The following CNTN5 variants were observed in gnomAD, a reference collection of about 807,000 sequenced individuals.
CNTN5 encodes the protein contactin-5.
Under a neutral mutation model 129.1 loss-of-function variants are expected in CNTN5, and 77 were observed. The observed-to-expected ratio is 0.60, with a 90% CI of 0.50 to 0.72. The LOEUF (loss-of-function observed/expected upper bound fraction) is 0.72, where lower values mean the gene tolerates loss of function less well. Among genes scored for constraint, CNTN5 ranks in the 30% least tolerant of loss-of-function variants. The pLI is 0.00. For missense variants in CNTN5, 1,478 were observed against 1,328.8 expected (o/e 1.11, Z -1.75); for synonymous variants, 509 against 465.6 (o/e 1.09, Z -1.20).
chr11:99,436,163 G>T (rs540941462), intron 2 of CNTN5, among the ~76,000 whole-genome samples: 6 of 152,240 alleles, frequency 3.9e-5, no homozygotes, highest in African/African-American at 1.4e-4. Flanking sequence ...AATTCCAATT[G>T]ACTGTAGTGG....
At chr11:99,744,543 TAAAAAAAA>T (rs553540845) in intron 3 of CNTN5, among the ~76,000 whole-genome samples, 4 of 37,492 alleles carry the variant, frequency 1.1e-4, no homozygotes, top group Admixed American at 5.1e-4. Context: ...TACAAAAAGT[TAAAAAAAA>T]AAAAAAAAAA....
chr11:99,801,731 C>G (rs977539104), intron 3 of CNTN5, among the ~76,000 whole-genome samples: 1 of 152,076 alleles, frequency 6.6e-6, no homozygotes, highest in African/African-American at 2.4e-5. Flanking sequence ...ATAAATATTT[C>G]AATTCTATTT....
At chr11:99,746,775 C>A (rs1229286646) in intron 3 of CNTN5, among the ~76,000 whole-genome samples, 2 of 152,154 alleles carry the variant, frequency 1.3e-5, no homozygotes. Flanking sequence ...CTGGGGACTG[C>A]TGGTCTACAT....
chr11:99,923,052 A>G (rs761857224), intron 7 of CNTN5, among the ~76,000 whole-genome samples: 14 of 152,352 alleles, frequency 9.2e-5, no homozygotes, highest in South Asian at 6.2e-4. Context: ...ATCAGAGAAT[A>G]TTAAAAATTA....
chr11:100,221,318 G>T (rs1254699778), intron 15 of CNTN5, among the ~76,000 whole-genome samples: 1 of 152,154 alleles, frequency 6.6e-6, no homozygotes, highest in East Asian at 1.9e-4. Flanking sequence ...GCTCTAAAGA[G>T]CTACGTCAAA....
At chr11:99,623,190 ATTAG>A (rs1591376016) in intron 3 of CNTN5, among the ~76,000 whole-genome samples, 1 of 152,114 alleles carries the variant, frequency 6.6e-6, no homozygotes, top group Admixed American at 6.6e-5. Flanking sequence ...TTAAAATTAT[ATTAG>A]TTAGGGTCTT....
At chr11:99,655,636 A>G (rs536594310) in intron 3 of CNTN5, among the ~76,000 whole-genome samples, 3 of 152,206 alleles carry the variant, frequency 2.0e-5, no homozygotes, top group African/African-American at 7.2e-5. Context: ...GGCTTTGAAC[A>G]CGGAATACTG....
chr11:99,121,895 CT>C (rs1031866618), intron 1 of CNTN5, among the ~76,000 whole-genome samples: 5 of 137,688 alleles, frequency 3.6e-5, no homozygotes, highest in Non-Finnish European at 8.3e-5. Flanking sequence ...TTTTGAATTT[CT>C]TTTTTTCTTT....
chr11:99,339,200 TAA>T (rs11437222), intron 2 of CNTN5, among the ~76,000 whole-genome samples: 1 of 151,344 alleles, frequency 6.6e-6, no homozygotes, highest in Non-Finnish European at 1.5e-5. Flanking sequence ...AACATTAAAA[TAA>T]AAAAACTTTA....
At chr11:99,583,636 A>G (rs1015410723) in intron 3 of CNTN5, among the ~76,000 whole-genome samples, 5 of 152,224 alleles carry the variant, frequency 3.3e-5, no homozygotes, top group East Asian at 1.9e-4. Context: ...TGCGCGGGAT[A>G]TAATCTCCTG....
At chr11:99,712,510 T>C (rs2134966350) in intron 3 of CNTN5, among the ~76,000 whole-genome samples, 1 of 152,264 alleles carries the variant, frequency 6.6e-6, no homozygotes, top group South Asian at 2.1e-4. Flanking sequence ...ATTTTGGCTT[T>C]TGTTGTCATT....
At chr11:99,114,467 C>G (rs1046047080) in intron 1 of CNTN5, among the ~76,000 whole-genome samples, 1 of 144,604 alleles carries the variant, frequency 6.9e-6, no homozygotes, top group African/African-American at 2.6e-5. Context: ...TCTTTCCTTC[C>G]TCCTTCTCCT....
chr11:99,659,502 G>T (rs1591438051), intron 3 of CNTN5, among the ~76,000 whole-genome samples: 1 of 152,104 alleles, frequency 6.6e-6, no homozygotes, highest in African/African-American at 2.4e-5. Flanking sequence ...AGAACAAATT[G>T]GGTGTGTATA....
chr11:100,149,530 T>C (rs1299400224), intron 13 of CNTN5, among the ~76,000 whole-genome samples: 1 of 152,174 alleles, frequency 6.6e-6, no homozygotes, highest in African/African-American at 2.4e-5. Flanking sequence ...ATTTATTGAA[T>C]TATTTTGAAA....
intron 2 of CNTN5, among the ~76,000 whole-genome samples, chr11:99,551,265 G>A (rs1284010282): frequency 6.6e-6 from 1 of 152,034 alleles, no homozygotes; most frequent in Non-Finnish European, 1.5e-5. Context: ...TAAGAATACA[G>A]AATTAAATAT....
intron 18 of CNTN5, among the ~76,000 whole-genome samples, chr11:100,281,155 T>C (rs1382355421): frequency 2.0e-5 from 3 of 152,166 alleles, no homozygotes; most frequent in African/African-American, 7.2e-5. Flanking sequence ...ATATTCTGTG[T>C]TTTCCTGTGT....
At chr11:100,032,811 A>G (rs889822026) in intron 9 of CNTN5, among the ~76,000 whole-genome samples, 1 of 152,178 alleles carries the variant, frequency 6.6e-6, no homozygotes, top group Non-Finnish European at 1.5e-5. Context: ...TATAATCAGT[A>G]TAAAAGAATG....
chr11:99,056,936 A>AT (rs953905819), intron 1 of CNTN5, among the ~76,000 whole-genome samples: 4 of 151,880 alleles, frequency 2.6e-5, no homozygotes, highest in African/African-American at 7.3e-5. Flanking sequence ...TTGGACTGAT[A>AT]TTTTTTTCCC....
chr11:99,189,154 A>G (rs1436170492), intron 1 of CNTN5, among the ~76,000 whole-genome samples: 1 of 151,712 alleles, frequency 6.6e-6, no homozygotes, highest in Non-Finnish European at 1.5e-5. Flanking sequence ...TGTTACACAA[A>G]TAACAGGATT....
Sources: allele counts gnomAD v4.1 joint callset (sites outside exome capture counted in the v4.1 genomes callset), GRCh38; gene constraint gnomAD v4.1.1; transcripts MANE v1.5; gene names NCBI Gene and HGNC (gene_info 2026-07-23, HGNC 2026-07-21).